The following CNTNAP5 variants were observed in gnomAD, a reference collection of about 807,000 sequenced individuals.
CNTNAP5 encodes the protein contactin associated protein family member 5, also known as contactin-associated protein-like 5.
CNTNAP5 carries 72 observed loss-of-function variants against 150.2 expected under a neutral mutation model. That is an observed-to-expected ratio of 0.48 (90% CI 0.40 to 0.58). CNTNAP5 has a LOEUF of 0.58. CNTNAP5 is among the 20% of genes least tolerant of loss of function. CNTNAP5 has a pLI of 0.00. For synonymous variants in CNTNAP5, 672 were observed against 619.8 expected (o/e 1.08, Z -1.25); for missense variants, 1,636 against 1,626.2 (o/e 1.01, Z -0.10).
At chr2:124,388,232 G>A (rs1010588307) in intron 3 of CNTNAP5, among the ~76,000 whole-genome samples, 1 of 152,186 alleles carries the variant, frequency 6.6e-6, no homozygotes, top group Non-Finnish European at 1.5e-5. Flanking sequence ...GCTTAGGCAT[G>A]AGCCAAGGTG....
chr2:124,495,940 A>G (rs1694132061), intron 7 of CNTNAP5, among the ~76,000 whole-genome samples: 1 of 152,054 alleles, frequency 6.6e-6, no homozygotes, highest in African/African-American at 2.4e-5. Flanking sequence ...ATGCTTTGTT[A>G]CATGCTCTCC....
At chr2:124,387,054 G>A (rs957508486) in intron 3 of CNTNAP5, among the ~76,000 whole-genome samples, 5 of 152,142 alleles carry the variant, frequency 3.3e-5, no homozygotes, top group African/African-American at 1.2e-4. Context: ...CACCATATTG[G>A]CACCCTGATC....
intron 1 of CNTNAP5, among the ~76,000 whole-genome samples, chr2:124,194,402 TATATATATAAATATAA>T (rs1685532141): frequency 1.6e-4 from 2 of 12,646 alleles, no homozygotes; most frequent in Non-Finnish European, 3.6e-4. Flanking sequence ...TATATATATA[TATATATATAAATATAA>T]ATAGGTGTGC....
intron 18 of CNTNAP5, among the ~76,000 whole-genome samples, chr2:124,795,510 T>C (rs993601777): frequency 3.4e-4 from 52 of 152,202 alleles, no homozygotes; most frequent in African/African-American, 1.2e-3. Flanking sequence ...TGTTTTGTTT[T>C]TGTTTGTTGT....
At chr2:124,348,601 T>C (rs1349033578) in intron 3 of CNTNAP5, among the ~76,000 whole-genome samples, 7 of 152,118 alleles carry the variant, frequency 4.6e-5, no homozygotes, top group African/African-American at 1.7e-4. Context: ...GAAAGAAGAG[T>C]ATTTTTAACC....
intron 8 of CNTNAP5, among the ~76,000 whole-genome samples, chr2:124,511,022 A>G (rs1694576224): frequency 6.6e-6 from 1 of 152,198 alleles, no homozygotes; most frequent in South Asian, 2.1e-4. Context: ...GGCTCTCTCA[A>G]ACTCCATACC....
intron 19 of CNTNAP5, among the ~76,000 whole-genome samples, chr2:124,825,948 T>G (rs1423605409): frequency 1.3e-5 from 2 of 152,084 alleles, no homozygotes; most frequent in Admixed American, 1.3e-4. Flanking sequence ...GGCTCAGGAG[T>G]TATTGTAACT....
At chr2:124,549,627 C>T (rs1259355288) in intron 10 of CNTNAP5, among the ~76,000 whole-genome samples, 1 of 152,122 alleles carries the variant, frequency 6.6e-6, no homozygotes, top group African/African-American at 2.4e-5. Context: ...CACAAATAAG[C>T]TGCCCACTGA....
At chr2:124,178,643 T>G (rs1027045555) in intron 1 of CNTNAP5, among the ~76,000 whole-genome samples, 6 of 152,240 alleles carry the variant, frequency 3.9e-5, no homozygotes, top group African/African-American at 1.4e-4. Context: ...AACTTTGATC[T>G]CAGTTCCTCA....
chr2:124,434,470 T>C lies in CNTNAP5; in HGVS notation c.530-14T>C. The C allele has an allele frequency of 6.2e-7, 1 of 1,610,268 alleles. No individual in the cohort carries two copies. The highest frequency in any genetic ancestry group is 8.5e-7 in the Non-Finnish European group (1 of 1,176,436). ...TGCACTAATTTTTCTTTCCCGCTCCTTCTTTGTTCCCAGAATCAGATGTTG... is the reference window on the plus strand; with the variant it reads ...TGCACTAATTTTTCTTTCCCGCTCCCTCTTTGTTCCCAGAATCAGATGTTG... On this transcript the variant is annotated splice_polypyrimidine_tract_variant and intron_variant, in intron 4 of 23. Coordinates refer to ENST00000682447, the MANE Select transcript of CNTNAP5 (RefSeq NM_001367498.1).
At chr2:124,377,974 C>CT (rs1690693858) in intron 3 of CNTNAP5, among the ~76,000 whole-genome samples, 1 of 152,068 alleles carries the variant, frequency 6.6e-6, no homozygotes, top group African/African-American at 2.4e-5. Flanking sequence ...CTCTTTGCTA[C>CT]TTGTGTTTCT....
chr2:124,774,914 C>T (rs776065970), intron 17 of CNTNAP5, among the ~76,000 whole-genome samples: 14 of 152,114 alleles, frequency 9.2e-5, no homozygotes, highest in Non-Finnish European at 1.5e-4. Context: ...TATCTGCAGA[C>T]GTTTCGGTTA....
At chr2:124,498,149 A>G (rs1354392) in intron 7 of CNTNAP5, among the ~76,000 whole-genome samples, 149,331 of 152,308 alleles carry the variant, frequency 0.98, 73,280 homozygotes, top group East Asian at 1. Flanking sequence ...CTTCTGGTTT[A>G]GTGGCAGAAT....
At chr2:124,838,874 C>T (rs1682885003) in intron 19 of CNTNAP5, among the ~76,000 whole-genome samples, 1 of 152,064 alleles carries the variant, frequency 6.6e-6, no homozygotes, top group Admixed American at 6.6e-5. Context: ...TATTTATTAA[C>T]TACCATCTGC....
chr2:124,166,561 C>T (rs1298795563), intron 1 of CNTNAP5, among the ~76,000 whole-genome samples: 1 of 152,126 alleles, frequency 6.6e-6, no homozygotes, highest in African/African-American at 2.4e-5. Context: ...TTCTGTTATA[C>T]CTTGTTCTCT....
intron 3 of CNTNAP5, among the ~76,000 whole-genome samples, chr2:124,269,740 G>A (rs999893168): frequency 1.5e-4 from 23 of 152,246 alleles, no homozygotes; most frequent in African/African-American, 4.3e-4. Flanking sequence ...TTCAAGTCAC[G>A]ACCTTATCCT....
At chr2:124,874,795 G>GA in intron 21 of CNTNAP5, among the ~76,000 whole-genome samples, 1 of 151,916 alleles carries the variant, frequency 6.6e-6, no homozygotes. Context: ...CATTAAAATG[G>GA]AATTTGCACT....
intron 10 of CNTNAP5, among the ~76,000 whole-genome samples, chr2:124,532,689 C>T (rs1353266487): frequency 3.3e-5 from 5 of 152,156 alleles, no homozygotes; most frequent in South Asian, 2.1e-4. Flanking sequence ...AAATCCACCC[C>T]GCCCACAGTC....
At chr2:124,774,497 TG>T (rs1269654185) in intron 17 of CNTNAP5, among the ~76,000 whole-genome samples, 4 of 152,326 alleles carry the variant, frequency 2.6e-5, no homozygotes, top group African/African-American at 9.6e-5. Context: ...AAAACAGTTT[TG>T]TGATTGCAAG....
Sources: allele counts gnomAD v4.1 joint callset (sites outside exome capture counted in the v4.1 genomes callset), GRCh38; gene constraint gnomAD v4.1.1; transcripts MANE v1.5; gene names NCBI Gene and HGNC (gene_info 2026-07-23, HGNC 2026-07-21).